Variants in NMT1 observed in about 807,000 individuals in gnomAD.
NMT1 encodes N-myristoyltransferase 1.
A neutral mutation model predicts 63.4 loss-of-function variants in NMT1; 12 were observed. The observed-to-expected ratio is 0.19, with a 90% CI of 0.12 to 0.31. The LOEUF (loss-of-function observed/expected upper bound fraction) is 0.31. NMT1 is among the 10% of genes least tolerant of loss of function. The probability of loss-of-function intolerance (pLI) is 1.00; values close to 1 mark genes in which losing one functional copy is unlikely to be tolerated. For synonymous variants in NMT1, 228 were observed against 234.3 expected, an observed-to-expected ratio of 0.97 and a Z score of 0.25; for missense variants, 432 against 634.6, an observed-to-expected ratio of 0.68 and a Z score of 3.43.
chr17:45,092,219 AGGGACTT>A (rs143259798), intron 3 of NMT1, among the ~76,000 whole-genome samples: 2,592 of 152,312 alleles, frequency 0.017, 54 homozygotes, highest in South Asian at 0.07. Flanking sequence ...TCATGAGGAC[AGGGACTT>A]GGTCCTTTTT....
Position 45,086,660 on chromosome 17 carries a change from C to T in NMT1, c.385+8C>T. The T allele has an allele frequency of 6.2e-7, 1 of 1,600,642 alleles. No homozygotes were observed. Among genetic ancestry groups the T allele is most frequent in the Non-Finnish European group, 8.5e-7 (1 of 1,174,622 alleles). On this transcript the variant is annotated splice_region_variant and intron_variant, in intron 3 of 11. Transcript: ENST00000258960. ...AGCCCGTCCCCAAGCTGGGTATGTA[C>T]ATGCTTGCTTTCTTTGCCAGGTCAG... is the stretch of plus-strand genomic sequence containing the variant.
rs1288820933 is a variant in NMT1 at position 45,103,713 on chromosome 17, C to T, written c.1169C>T (p.Ala390Val). The change falls in exon 10 of 12, where the codon GCA (alanine) becomes GTA (valine). Residue 390 changes from alanine (A) to valine (V), a missense_variant. This residue lies in a region of NMT1 where 295 missense variants were observed against 489.7 expected (regional missense o/e 0.60). Transcript: ENST00000258960. This position sits in a 1 kb window ranked among gnomAD's most constrained non-coding sequence, Gnocchi z 4.8. ...NIIDTFVVENANGEVTDFLSF... is the reference protein window; with the variant it reads ...NIIDTFVVENVNGEVTDFLSF... ...TCTTTATTGCCTTCCCTTCAGAACG[C>T]AAACGGAGAGGTGACAGATTTCCTG... is the stretch of plus-strand genomic sequence containing the variant. 3 of 1,611,930 alleles carry T rather than the reference C, an allele frequency of 1.9e-6. No homozygotes were observed. The highest frequency in any genetic ancestry group is 2.5e-6 in the Non-Finnish European group (3 of 1,178,762).
chr17:45,079,844 C>T (rs1480230674), intron 1 of NMT1, among the ~76,000 whole-genome samples: 2 of 152,126 alleles, frequency 1.3e-5, no homozygotes, highest in East Asian at 1.9e-4. Flanking sequence ...GGACTATAGG[C>T]GCCTGCCACC....
In NMT1 at chr17:45,105,704, ACT is replaced by A. The variant is rs2143527954; in HGVS notation, c.*66_*67del. 6.6e-7 allele frequency: 1 copy of A among 1,509,548 alleles called. No individual in the cohort carries two copies. Among genetic ancestry groups the A allele is most frequent in the Middle Eastern group, 1.9e-4 (1 of 5,200 alleles). 93.5% of individuals were successfully genotyped at this position (1,509,548 alleles called of 1,614,324 possible). The stretch of plus-strand genomic sequence containing the variant: ...TCGAACCAGGAAATGGAACCCCACC[ACT>A]GTTGGTCCAATTTTCACACACGTGA... On this transcript the variant is annotated 3_prime_UTR_variant, in exon 12 of 12. Transcript: ENST00000258960. The surrounding 1 kb of genome is among the most constrained non-coding windows in gnomAD (Gnocchi z 4.2).
Position 45,103,612 on chromosome 17 carries a change from A to T in NMT1, c.1165-97A>T. ...TTTCCAGCCATTTATCTAGAGGGGCAGAGCTGCCTGAAGGTGGAGTGAGAG... is the reference window on the plus strand; with the variant it reads ...TTTCCAGCCATTTATCTAGAGGGGCTGAGCTGCCTGAAGGTGGAGTGAGAG... On this transcript the variant is annotated intron_variant, in intron 9 of 11. Transcript: ENST00000258960. The surrounding 1 kb of genome is among the most constrained non-coding windows in gnomAD (Gnocchi z 4.8). 8.0e-7 allele frequency: 1 copy of T among 1,247,846 alleles called. No homozygotes were observed. Among genetic ancestry groups the T allele is most frequent in the South Asian group, 1.4e-5 (1 of 71,592 alleles). The allele number at this position is 1,247,846 out of a possible 1,614,324, so 77.3% of individuals were successfully genotyped here. A position where few individuals can be genotyped will look rare whatever the true frequency, so the allele number is the denominator to read the frequency against.
At position 45,105,562 on chromosome 17, in the gene NMT1, G is replaced by A. The variant is rs1008677929; in HGVS notation, c.1471-57G>A. ...CGGAACTTCAGGGATAGGGGGTGTG[G>A]GAGAGTCTTTGGGCCACTGTCAACT... On this transcript the variant is annotated intron_variant, in intron 11 of 11. Transcript: ENST00000258960. The surrounding 1 kb of genome is among the most constrained non-coding windows in gnomAD (Gnocchi z 4.2). 38 of 1,602,458 alleles carry A rather than the reference G, an allele frequency of 2.4e-5. No individual in the cohort carries two copies. The African/African-American group carries it at 4.6e-4, about 19-fold the overall frequency.
At position 45,103,319 on chromosome 17, in the gene NMT1, C is replaced by G. The variant is rs924952700; in HGVS notation, c.1164+198C>G. Reference sequence around the variant, plus strand: ...TGGATCTGGCTTGAGCCCTTCTCCCCCTCTGCCCCACTTTGATAACACAAA... The same window carrying G: ...TGGATCTGGCTTGAGCCCTTCTCCCGCTCTGCCCCACTTTGATAACACAAA... On this transcript the variant is annotated intron_variant, in intron 9 of 11. Coordinates refer to ENST00000258960, the MANE Select transcript of NMT1 (RefSeq NM_021079.5). This position sits in a 1 kb window ranked among gnomAD's most constrained non-coding sequence, Gnocchi z 4.8. 3.4e-4 allele frequency among the ~76,000 whole-genome samples: 52 copies of G among 152,318 alleles called. No homozygotes were observed. The highest frequency in any genetic ancestry group is 1.2e-3 in the African/African-American group (50 of 41,564).
chr17:45,061,624 C>T, intron 1 of NMT1, 164 bp downstream of exon 1: 1 of 612,538 alleles, frequency 1.6e-6, no homozygotes, highest in South Asian at 2.1e-5. Context: ...TGTCATTTAC[C>T]AAGGGTGGGT....
chr17:45,106,793 T>C lies in NMT1; in HGVS notation c.*1154T>C, dbSNP rs541902389. ...GAAGTGATTAGAGGCAGATCTGGAC[T>C]TGGCAACAGAAGTGGTTTCCCATCT... On this transcript the variant is annotated 3_prime_UTR_variant, in exon 12 of 12. Coordinates refer to ENST00000258960, the MANE Select transcript of NMT1 (RefSeq NM_021079.5). 6.5e-5 allele frequency: 10 copies of C among 152,694 alleles called. No individual in the cohort carries two copies. The highest frequency in any genetic ancestry group is 1.5e-4 in the Non-Finnish European group (10 of 68,056). The allele number at this position is 152,694 out of a possible 1,614,324, so 9.5% of individuals were successfully genotyped here. A position where few individuals can be genotyped will look rare whatever the true frequency, so the allele number is the denominator to read the frequency against.
chr17:45,062,021 C>T (rs977447101), intron 1 of NMT1: 1 of 152,244 alleles, frequency 6.6e-6, no homozygotes, highest in Non-Finnish European at 1.5e-5. Context: ...TACATAGTTT[C>T]CATTGCTCCA....
intron 2 of NMT1, chr17:45,083,812 T>G (rs1389527319): frequency 2.0e-5 from 3 of 152,150 alleles, no homozygotes; most frequent in Admixed American, 6.6e-5. Flanking sequence ...GGGGTCTCCC[T>G]GCATTACTCA....
chr17:45,086,419 C>G (rs1275780733), intron 2 of NMT1, 89 bp from the exon 3 acceptor site: 2 of 1,371,418 alleles, frequency 1.5e-6, no homozygotes, highest in African/African-American at 1.5e-5. Context: ...GCCACTGCAC[C>G]CAGCTCCCCT....
chr17:45,086,124 C>CTTTTT lies in NMT1; in HGVS notation c.241-371_241-367dup, dbSNP rs758394346. 5.7e-4 allele frequency among the ~76,000 whole-genome samples: 67 copies of CTTTTT among 117,490 alleles called. 2 individuals carry two copies. The highest frequency in any genetic ancestry group is 0.014 in the Middle Eastern group (2 of 148). 77.1% of individuals were successfully genotyped at this position (117,490 alleles called of 152,430 possible). On this transcript the variant is annotated intron_variant, in intron 2 of 11. Coordinates refer to ENST00000258960, the MANE Select transcript of NMT1 (RefSeq NM_021079.5). ...GGCATGAGCCACTGCGCCCAGCACTCTTTTTTTTTTTTTTTTTGAGACGGA... is the reference window on the plus strand; with the variant it reads ...GGCATGAGCCACTGCGCCCAGCACTCTTTTTTTTTTTTTTTTTTTTTTGAGACGGA...
At chr17:45,070,039 C>T (rs1339001915) in intron 1 of NMT1, among the ~76,000 whole-genome samples, 1 of 152,122 alleles carries the variant, frequency 6.6e-6, no homozygotes, top group African/African-American at 2.4e-5. Flanking sequence ...GTGGAATATA[C>T]ACATTTGTCT....
Position 45,106,459 on chromosome 17 carries a change from C to G in NMT1, c.*820C>G, listed in dbSNP as rs1367298964. On this transcript the variant is annotated 3_prime_UTR_variant, in exon 12 of 12. Coordinates refer to ENST00000258960, the MANE Select transcript of NMT1 (RefSeq NM_021079.5). ...AAAAGGGCTCTTTAGCCAGTTGTTG[C>G]CAACCTTATAGGGATGAGTCCCCTG... 6.6e-6 allele frequency: 1 copy of G among 152,650 alleles called. No homozygotes were observed. Among genetic ancestry groups the G allele is most frequent in the Non-Finnish European group, 1.5e-5 (1 of 68,052 alleles). 9.5% of individuals were successfully genotyped at this position (152,650 alleles called of 1,614,324 possible).
At chr17:45,099,974 AT>A (rs2054150457) in intron 8 of NMT1, among the ~76,000 whole-genome samples, 1 of 152,068 alleles carries the variant, frequency 6.6e-6, no homozygotes. Flanking sequence ...CCCCACCCAG[AT>A]TTGGCTGAAG....
rs568193617 is a variant in NMT1 at position 45,073,815 on chromosome 17, C to T, written c.132-7829C>T. Among the ~76,000 whole-genome samples the T allele has an allele frequency of 7.2e-5, 11 of 152,350 alleles. No individual in the cohort carries two copies. The East Asian group carries it at 2.1e-3, about 29-fold the overall frequency. On this transcript the variant is annotated intron_variant, in intron 1 of 11. Transcript: ENST00000258960. ...GTTGGTTGATAACCAATTTGCCTCA[C>T]ATCTCTGGGCCTTAGTTTCCTCATC...
chr17:45,103,486 A>G lies in NMT1; in HGVS notation c.1165-223A>G, dbSNP rs972813597. 6.6e-6 allele frequency among the ~76,000 whole-genome samples: 1 copy of G among 152,156 alleles called. No homozygotes were observed. The highest frequency in any genetic ancestry group is 2.4e-5 in the African/African-American group (1 of 41,422). On this transcript the variant is annotated intron_variant, in intron 9 of 11. Coordinates refer to ENST00000258960, the MANE Select transcript of NMT1 (RefSeq NM_021079.5). The surrounding 1 kb of genome is among the most constrained non-coding windows in gnomAD (Gnocchi z 4.8). Reference sequence around the variant, plus strand: ...CAAGAAGAGGTCCCTGGCGGTGCCCATGCTGGGAAAGAGGTCTGGCAGGTT... The same window carrying G: ...CAAGAAGAGGTCCCTGGCGGTGCCCGTGCTGGGAAAGAGGTCTGGCAGGTT...
chr17:45,075,216 G>T (rs1171439153), intron 1 of NMT1, among the ~76,000 whole-genome samples: 2 of 152,206 alleles, frequency 1.3e-5, no homozygotes, highest in Admixed American at 6.6e-5. Context: ...AGGTGCGGTG[G>T]CTCACGCCTG....
Sources: gnomAD v4.1 joint callset for allele counts (sites outside exome capture counted in the v4.1 genomes callset) on GRCh38, gnomAD v4.1.1 for gene constraint, gnomAD v4.1.1 regional missense constraint, Gnocchi (gnomAD v3.1) non-coding constraint, MANE v1.5 for transcripts, NCBI Gene and HGNC (gene_info 2026-07-23, HGNC 2026-07-21) for gene names.